The following CACNA2D3 variants were observed in gnomAD, a reference collection of about 807,000 sequenced individuals.
CACNA2D3 encodes the protein voltage-dependent calcium channel subunit alpha-2/delta-3.
Under a neutral mutation model 160.6 loss-of-function variants are expected in CACNA2D3, and 60 were observed. The ratio of observed to expected loss-of-function variants is 0.37; its 90% confidence interval spans 0.30 to 0.46. CACNA2D3 has a LOEUF of 0.46. Among genes scored for constraint, CACNA2D3 ranks in the 20% least tolerant of loss-of-function variants. The probability of loss-of-function intolerance (pLI) is 1.00; values close to 1 mark genes in which losing one functional copy is unlikely to be tolerated. For missense variants in CACNA2D3, 1,205 were observed against 1,365.0 expected, an observed-to-expected ratio of 0.88 and a Z score of 1.85; for synonymous variants, 558 against 492.9, an observed-to-expected ratio of 1.13 and a Z score of -1.75.
chr3:54,521,388 C>G (rs561799774), intron 5 of CACNA2D3, among the ~76,000 whole-genome samples: 1 of 151,976 alleles, frequency 6.6e-6, no homozygotes, highest in African/African-American at 2.4e-5. Context: ...CATCTTTAAT[C>G]GGGTAGTCTT....
At chr3:54,362,641 C>A (rs1252719526) in intron 3 of CACNA2D3, among the ~76,000 whole-genome samples, 1 of 152,150 alleles carries the variant, frequency 6.6e-6, no homozygotes, top group African/African-American at 2.4e-5. Flanking sequence ...TATTTCTAGT[C>A]TAGAGTCACA....
chr3:54,777,382 C>G (rs1358465853), intron 13 of CACNA2D3, among the ~76,000 whole-genome samples: 1 of 152,208 alleles, frequency 6.6e-6, no homozygotes, highest in Non-Finnish European at 1.5e-5. Flanking sequence ...GCTGGTGACA[C>G]ATGCTCTTAT....
At chr3:54,955,204 A>T (rs547445260) in intron 27 of CACNA2D3, among the ~76,000 whole-genome samples, 20 of 152,266 alleles carry the variant, frequency 1.3e-4, no homozygotes, top group Admixed American at 5.9e-4. Context: ...GACAGGGGAG[A>T]TGGGGACCCA....
chr3:55,051,614 G>C (rs894458062), intron 35 of CACNA2D3, among the ~76,000 whole-genome samples: 1 of 152,100 alleles, frequency 6.6e-6, no homozygotes, highest in African/African-American at 2.4e-5. Context: ...AGGCCTCCTT[G>C]AGCTGTGGTG....
At chr3:54,617,686 T>C (rs1341184567) in intron 9 of CACNA2D3, among the ~76,000 whole-genome samples, 1 of 152,226 alleles carries the variant, frequency 6.6e-6, no homozygotes, top group African/African-American at 2.4e-5. Flanking sequence ...TAATTGGGCA[T>C]CCTATATTTA....
chr3:54,723,087 C>G (rs931253644), intron 11 of CACNA2D3, among the ~76,000 whole-genome samples: 1 of 152,160 alleles, frequency 6.6e-6, no homozygotes, highest in Non-Finnish European at 1.5e-5. Flanking sequence ...TCAGAGATGC[C>G]CTGCCCAGAG....
intron 17 of CACNA2D3, among the ~76,000 whole-genome samples, chr3:54,865,353 C>T (rs960920124): frequency 6.6e-6 from 1 of 152,228 alleles, no homozygotes; most frequent in African/African-American, 2.4e-5. Flanking sequence ...TAAGGAAACA[C>T]CAAATGCCCA....
At chr3:54,500,001 C>T (rs1451665573) in intron 4 of CACNA2D3, among the ~76,000 whole-genome samples, 1 of 152,122 alleles carries the variant, frequency 6.6e-6, no homozygotes, top group African/African-American at 2.4e-5. Flanking sequence ...AAGTCTTTAA[C>T]TATAATAGCT....
intron 27 of CACNA2D3, among the ~76,000 whole-genome samples, chr3:54,959,342 C>T (rs896285625): frequency 6.6e-5 from 10 of 152,148 alleles, no homozygotes; most frequent in African/African-American, 2.4e-4. Context: ...GCTGGGTGTG[C>T]TTGGGCAAGT....
At chr3:54,264,433 A>AG (rs1255122858) in intron 2 of CACNA2D3, among the ~76,000 whole-genome samples, 3 of 152,178 alleles carry the variant, frequency 2.0e-5, no homozygotes, top group Non-Finnish European at 4.4e-5. Flanking sequence ...TTGAACTCTA[A>AG]GCTGCATTCG....
chr3:54,682,658 G>T (rs1038834702), intron 11 of CACNA2D3, among the ~76,000 whole-genome samples: 2 of 149,840 alleles, frequency 1.3e-5, no homozygotes, highest in African/African-American at 5.1e-5. Context: ...AGAATTACAA[G>T]TTCAAAAAGT....
intron 4 of CACNA2D3, among the ~76,000 whole-genome samples, chr3:54,431,335 A>C (rs1415610278): frequency 6.6e-6 from 1 of 151,712 alleles, no homozygotes; most frequent in Non-Finnish European, 1.5e-5. Flanking sequence ...CTCAAAAAAA[A>C]AAAAAGAAAA....
At chr3:54,446,162 T>G (rs1293748438) in intron 4 of CACNA2D3, among the ~76,000 whole-genome samples, 1 of 152,238 alleles carries the variant, frequency 6.6e-6, no homozygotes, top group Non-Finnish European at 1.5e-5. Flanking sequence ...CCTGTACTTT[T>G]ACAAGAGGCT....
intron 3 of CACNA2D3, among the ~76,000 whole-genome samples, chr3:54,355,015 G>A (rs1209590571): frequency 6.6e-6 from 1 of 152,220 alleles, no homozygotes; most frequent in Admixed American, 6.5e-5. Flanking sequence ...CTGGGCACTT[G>A]AGATACCATT....
In CACNA2D3 at chr3:54,169,897, G is replaced by T. The variant is rs1192086983; in HGVS notation, c.204+46303G>T. Among the ~76,000 whole-genome samples, 5 of 152,104 alleles carry T rather than the reference G, an allele frequency of 3.3e-5. No individual in the cohort carries two copies. In the East Asian group the frequency reaches 9.6e-4, roughly 29 times the overall value. On this transcript the variant is annotated intron_variant, in intron 2 of 37. Coordinates refer to ENST00000474759, the MANE Select transcript of CACNA2D3 (RefSeq NM_018398.3). ...AATGATTTTTCCAGGTCAAGAGTGAGGGAGAAATGGCCGAGCGTGGTGGCT... is the reference window on the plus strand; with the variant it reads ...AATGATTTTTCCAGGTCAAGAGTGATGGAGAAATGGCCGAGCGTGGTGGCT...
In CACNA2D3 at chr3:54,157,835, CAA is replaced by C. The variant is rs5849032; in HGVS notation, c.204+34260_204+34261del. Among the ~76,000 whole-genome samples, 1,112 of 134,268 alleles carry C rather than the reference CAA, an allele frequency of 8.3e-3. 11 individuals carry two copies. Among genetic ancestry groups the C allele is most frequent in the African/African-American group, 0.028 (1,050 of 37,450 alleles). 88.1% of individuals were successfully genotyped at this position (134,268 alleles called of 152,430 possible). On this transcript the variant is annotated intron_variant, in intron 2 of 37. Coordinates refer to ENST00000474759, the MANE Select transcript of CACNA2D3 (RefSeq NM_018398.3). ...AAAAAAGCAAAAAAACCCAACCAAA[CAA>C]AAAAAAAAAAAAAAAAAAGAAATGG...
intron 2 of CACNA2D3, among the ~76,000 whole-genome samples, chr3:54,167,141 C>T (rs1042800904): frequency 1.3e-5 from 2 of 152,132 alleles, no homozygotes; most frequent in African/African-American, 2.4e-5. Flanking sequence ...CTCCACCTTG[C>T]ATTCTTATTG....
At chr3:54,446,066 G>A (rs1433727152) in intron 4 of CACNA2D3, among the ~76,000 whole-genome samples, 3 of 152,162 alleles carry the variant, frequency 2.0e-5, no homozygotes, top group Admixed American at 6.5e-5. Context: ...CTGCCTGTGG[G>A]TTCCATCCAC....
intron 18 of CACNA2D3, among the ~76,000 whole-genome samples, chr3:54,878,016 G>T (rs1213074762): frequency 6.6e-6 from 1 of 152,136 alleles, no homozygotes; most frequent in East Asian, 1.9e-4. Context: ...TAAAATATAT[G>T]TTTTATTTTA....
Sources: gnomAD v4.1 joint callset for allele counts (sites outside exome capture counted in the v4.1 genomes callset) on GRCh38, gnomAD v4.1.1 for gene constraint, MANE v1.5 for transcripts, NCBI Gene and HGNC (gene_info 2026-07-23, HGNC 2026-07-21) for gene names.